WDR11: variants seen among roughly 807,000 people sequenced by gnomAD.
WDR11 encodes WD repeat domain 11, also known as WD repeat-containing protein 11.
A neutral mutation model predicts 151.2 loss-of-function variants in WDR11; 83 were observed. The ratio of observed to expected loss-of-function variants is 0.55; its 90% confidence interval spans 0.46 to 0.66. The LOEUF is 0.66. Among genes scored for constraint, WDR11 ranks in the 30% least tolerant of loss-of-function variants. The pLI, the probability that WDR11 is intolerant of heterozygous loss-of-function variation, is 0.00. For synonymous variants in WDR11, 484 were observed against 533.1 expected, an observed-to-expected ratio of 0.91 and a Z score of 1.27; for missense variants, 1,301 against 1,480.9, an observed-to-expected ratio of 0.88 and a Z score of 1.99.
chr10:120,882,580 C>A (rs916152475), intron 13 of WDR11, among the ~76,000 whole-genome samples: 3 of 146,190 alleles, frequency 2.1e-5, no homozygotes, highest in Admixed American at 2.0e-4. Flanking sequence ...TATTTAGATT[C>A]TCTTTTTTTG....
chr10:120,865,687 AC>A lies in WDR11; in HGVS notation c.938del (p.Thr313IlefsTer40). On this transcript the variant is annotated frameshift_variant, in exon 7 of 29. Coordinates refer to ENST00000263461, the MANE Select transcript of WDR11 (RefSeq NM_018117.12). LOFTEE classifies it high-confidence loss of function. ...TTGTCTACATGAAAATGGTTGTATA[AC>A]TTTACGTGTTCGAAGATCTTATAAT... ...LFCLHENGCI[T>X]LRVRRSYNNI... The A allele has an allele frequency of 6.2e-7, 1 of 1,611,234 alleles. No homozygotes were observed.
chr10:120,875,978 C>CTTTTTTTCTT (rs72476140), intron 11 of WDR11, among the ~76,000 whole-genome samples: 1 of 122,810 alleles, frequency 8.1e-6, no homozygotes, highest in African/African-American at 3.1e-5. Context: ...CCTTTTTTTT[C>CTTTTTTTCTT]TTTTTTTTTT....
In WDR11 at chr10:120,871,167, C is replaced by T. The variant is rs1188074357; in HGVS notation, c.1295-3C>T. 6 of 1,613,946 alleles carry T rather than the reference C, an allele frequency of 3.7e-6. No homozygotes were observed. Among genetic ancestry groups the T allele is most frequent in the Non-Finnish European group, 5.1e-6 (6 of 1,179,984 alleles). On this transcript the variant is annotated splice_region_variant and splice_polypyrimidine_tract_variant and intron_variant, in intron 9 of 28. Transcript: ENST00000263461. Reference sequence around the variant, plus strand: ...TATATTTGTTATTTTTATTACAAATCAGGGCAAAGTGCAATTGCTGGGGAA... The same window carrying T: ...TATATTTGTTATTTTTATTACAAATTAGGGCAAAGTGCAATTGCTGGGGAA...
At chr10:120,857,717 T>A (rs569270596) in intron 2 of WDR11, among the ~76,000 whole-genome samples, 1 of 152,330 alleles carries the variant, frequency 6.6e-6, no homozygotes, top group Non-Finnish European at 1.5e-5. Context: ...TATTTATATC[T>A]GTACACATAT....
intron 19 of WDR11, 48 bp from the exon 20 acceptor site, chr10:120,899,981 T>G: frequency 6.8e-7 from 1 of 1,472,992 alleles, no homozygotes. Flanking sequence ...AGCTTCACTG[T>G]AGTATAAAAC....
chr10:120,878,214 T>C, intron 11 of WDR11, 139 bp from the exon 12 acceptor site: 1 of 656,946 alleles, frequency 1.5e-6, no homozygotes, highest in South Asian at 1.9e-5. Context: ...AAGGTCATGT[T>C]AAGATAAAAG....
In WDR11 at chr10:120,860,293, G is replaced by A. The variant is rs761336444; in HGVS notation, c.526+11G>A. The A allele has an allele frequency of 6.2e-7, 1 of 1,612,306 alleles. No individual in the cohort carries two copies. Among genetic ancestry groups the A allele is most frequent in the Non-Finnish European group, 8.5e-7 (1 of 1,179,880 alleles). Reference sequence around the variant, plus strand: ...CCTCACATTTAACTTGTGAGTAACAGTTGCTTGTGGAAAATGAGTTAAGTG... The same window carrying A: ...CCTCACATTTAACTTGTGAGTAACAATTGCTTGTGGAAAATGAGTTAAGTG... On this transcript the variant is annotated intron_variant, in intron 4 of 28. Coordinates refer to ENST00000263461, the MANE Select transcript of WDR11 (RefSeq NM_018117.12).
chr10:120,908,939 A>AAAG lies in WDR11; in HGVS notation c.*227_*229dup, dbSNP rs1257971475. The AAAG allele has an allele frequency of 5.3e-6, 3 of 570,880 alleles. No homozygotes were observed. Among genetic ancestry groups the AAAG allele is most frequent in the Non-Finnish European group, 9.4e-6 (3 of 320,172 alleles). The allele number at this position is 570,880 out of a possible 1,614,324, so 35.4% of individuals were successfully genotyped here. On this transcript the variant is annotated 3_prime_UTR_variant, in exon 29 of 29. Transcript: ENST00000263461. Reference sequence around the variant, plus strand: ...AAGAACGTGAATGCTTAAGATTTTGAAAGTACATAATATTTTATACTTTGG... The same window carrying AAAG: ...AAGAACGTGAATGCTTAAGATTTTGAAAGAAGTACATAATATTTTATACTTTGG...
intron 27 of WDR11, 26 bp from the exon 28 acceptor site, chr10:120,906,750 A>G (rs780137144): frequency 6.2e-6 from 10 of 1,613,978 alleles, no homozygotes; most frequent in African/African-American, 1.3e-5. Flanking sequence ...CACAAAGCAT[A>G]ACTCTTGTTT....
chr10:120,909,025 A>C lies in WDR11; in HGVS notation c.*312A>C. 2.9e-6 allele frequency: 1 copy of C among 344,998 alleles called. No homozygotes were observed. Among genetic ancestry groups the C allele is most frequent in the South Asian group, 3.3e-5 (1 of 30,678 alleles). The allele number at this position is 344,998 out of a possible 1,614,324, so 21.4% of individuals were successfully genotyped here. ...ATTTTTTTAACTTAAAATTCAAGAG[A>C]CTGAATCACTTTTCTCATTGATTAA... is the stretch of plus-strand genomic sequence containing the variant. On this transcript the variant is annotated 3_prime_UTR_variant, in exon 29 of 29. Coordinates refer to ENST00000263461, the MANE Select transcript of WDR11 (RefSeq NM_018117.12).
chr10:120,896,368 T>G (rs1847615348), intron 19 of WDR11, among the ~76,000 whole-genome samples: 2 of 152,204 alleles, frequency 1.3e-5, no homozygotes, highest in Non-Finnish European at 2.9e-5. Flanking sequence ...GCAGTGAAAC[T>G]TCTCTATCTT....
chr10:120,857,807 A>G (rs1846002803), intron 2 of WDR11, among the ~76,000 whole-genome samples: 1 of 152,204 alleles, frequency 6.6e-6, no homozygotes, highest in Admixed American at 6.5e-5. Context: ...ACACTGTACT[A>G]AGTCTGAGAA....
chr10:120,878,539 C>A, intron 12 of WDR11, 80 bp downstream of exon 12: 1 of 1,184,256 alleles, frequency 8.4e-7, no homozygotes, highest in South Asian at 1.3e-5. Flanking sequence ...GAAAGTACTT[C>A]TTTCACCTTG....
chr10:120,882,730 T>C (rs1024173293), intron 13 of WDR11, among the ~76,000 whole-genome samples: 1 of 152,084 alleles, frequency 6.6e-6, no homozygotes, highest in Non-Finnish European at 1.5e-5. Context: ...CAGTAAATTA[T>C]ATCAACCAAT....
chr10:120,853,995 A>G (rs1344180263), intron 2 of WDR11, among the ~76,000 whole-genome samples: 1 of 152,154 alleles, frequency 6.6e-6, no homozygotes, highest in Non-Finnish European at 1.5e-5. Context: ...AGGATTAGAG[A>G]TAGAGATTTG....
At chr10:120,882,840 T>C (rs951163582) in intron 13 of WDR11, among the ~76,000 whole-genome samples, 2 of 152,110 alleles carry the variant, frequency 1.3e-5, no homozygotes, top group Non-Finnish European at 2.9e-5. Context: ...GCTTATCTTT[T>C]GTTCTTCTGC....
intron 11 of WDR11, among the ~76,000 whole-genome samples, chr10:120,877,172 G>C (rs1244863101): frequency 6.6e-6 from 1 of 151,266 alleles, no homozygotes; most frequent in Non-Finnish European, 1.5e-5. Flanking sequence ...CTAAATACTT[G>C]ACTTATACAT....
rs2289335 is a variant in WDR11, at chr10:120,866,526, C to T, written c.995-43C>T. 531,838 of 1,608,888 alleles carry T rather than the reference C, an allele frequency of 0.33. 90,090 individuals carry two copies. The highest frequency in any genetic ancestry group is 0.48 in the Admixed American group (28,696 of 59,962). On this transcript the variant is annotated intron_variant, in intron 7 of 28. Coordinates refer to ENST00000263461, the MANE Select transcript of WDR11 (RefSeq NM_018117.12). The stretch of plus-strand genomic sequence containing the variant: ...AAATTGAAACAAACAGTAGTGGTAT[C>T]GATATGGCTGCTTTCTGATATTTAA...
At chr10:120,859,200 T>G (rs1185996180) in intron 3 of WDR11, among the ~76,000 whole-genome samples, 4 of 152,126 alleles carry the variant, frequency 2.6e-5, no homozygotes, top group Admixed American at 2.0e-4. Context: ...TTATTCTCAT[T>G]TTCATATAGA....
Sources: allele counts gnomAD v4.1 joint callset (sites outside exome capture counted in the v4.1 genomes callset), GRCh38; gene constraint gnomAD v4.1.1; transcripts MANE v1.5; gene names NCBI Gene and HGNC (gene_info 2026-07-23, HGNC 2026-07-21).